Variants in VPS35L observed in about 807,000 individuals in gnomAD.
VPS35L encodes VPS35 endosomal protein sorting factor like, also known as VPS35 endosomal protein-sorting factor-like.
VPS35L carries 83 observed loss-of-function variants against 133.0 expected under a neutral mutation model. The observed-to-expected ratio is 0.62, with a 90% CI of 0.52 to 0.75. The LOEUF is 0.75. VPS35L is among the 30% of genes least tolerant of loss of function. The pLI is 0.00. For missense variants in VPS35L, 1,083 were observed against 1,206.8 expected, an observed-to-expected ratio of 0.90 and a Z score of 1.52; for synonymous variants, 423 against 449.9, an observed-to-expected ratio of 0.94 and a Z score of 0.76.
rs573611211 is a variant in VPS35L, at chr16:19,677,748, C to T, written c.2362-4477C>T. Among the ~76,000 whole-genome samples, 12 of 152,314 alleles carry T rather than the reference C, an allele frequency of 7.9e-5. No homozygotes were observed. The South Asian group carries it at 1.2e-3, about 16-fold the overall frequency. On this transcript the variant is annotated intron_variant, in intron 27 of 30. Coordinates refer to ENST00000417362, the MANE Select transcript of VPS35L (RefSeq NM_020314.7). Reference sequence around the variant, plus strand: ...CGTCAAGTGGTGATCTGTCTCCCTTCGTCCTCCCCTGCCCTCCCACTATCT... The same window carrying T: ...CGTCAAGTGGTGATCTGTCTCCCTTTGTCCTCCCCTGCCCTCCCACTATCT...
intron 28 of VPS35L, among the ~76,000 whole-genome samples, chr16:19,683,074 G>A (rs533038692): frequency 5.1e-4 from 77 of 152,234 alleles, no homozygotes; most frequent in African/African-American, 1.8e-3. Flanking sequence ...ACAGGCATGT[G>A]CCACTGCTCC....
chr16:19,585,815 T>G (rs546711935), intron 7 of VPS35L, among the ~76,000 whole-genome samples: 2 of 152,346 alleles, frequency 1.3e-5, no homozygotes, highest in Admixed American at 1.3e-4. Context: ...TTGTACACGC[T>G]TATTGGCCAT....
intron 14 of VPS35L, among the ~76,000 whole-genome samples, chr16:19,619,177 C>T (rs1972996675): frequency 6.6e-6 from 1 of 152,046 alleles, no homozygotes; most frequent in Non-Finnish European, 1.5e-5. Context: ...AAGTGATCCT[C>T]CCGCCTCGGC....
chr16:19,678,902 C>T (rs1028420834), intron 27 of VPS35L, among the ~76,000 whole-genome samples: 4 of 152,242 alleles, frequency 2.6e-5, no homozygotes, highest in African/African-American at 7.2e-5. Flanking sequence ...CAAAAGCTCA[C>T]GGAAATGGCT....
At chr16:19,654,369 A>T (rs954659362) in intron 26 of VPS35L, among the ~76,000 whole-genome samples, 23 of 145,924 alleles carry the variant, frequency 1.6e-4, no homozygotes, top group African/African-American at 6.4e-4. Context: ...TGTCCTCACT[A>T]GGACAGGCAC....
chr16:19,669,858 A>G (rs147806768), intron 27 of VPS35L, among the ~76,000 whole-genome samples: 2,917 of 152,056 alleles, frequency 0.019, 83 homozygotes, highest in African/African-American at 0.066. Context: ...TTTAGTAGAG[A>G]TGGAGTTTCA....
chr16:19,699,405 G>C lies in VPS35L; in HGVS notation c.2647-97G>C. On this transcript the variant is annotated intron_variant, in intron 29 of 30. Coordinates refer to ENST00000417362, the MANE Select transcript of VPS35L (RefSeq NM_020314.7). The surrounding 1 kb of genome is among the most constrained non-coding windows in gnomAD (Gnocchi z 4.2). Reference sequence around the variant, plus strand: ...ATGGCAGAGCTGGCACTGGAACTCAGGCATGACCTACCCCAGAGTCAGCAC... The same window carrying C: ...ATGGCAGAGCTGGCACTGGAACTCACGCATGACCTACCCCAGAGTCAGCAC... 1 of 1,467,538 alleles carries C rather than the reference G, an allele frequency of 6.8e-7. No homozygotes were observed. Among genetic ancestry groups the C allele is most frequent in the East Asian group, 2.4e-5 (1 of 41,486 alleles). The allele number at this position is 1,467,538 out of a possible 1,614,324, so 90.9% of individuals were successfully genotyped here.
intron 29 of VPS35L, among the ~76,000 whole-genome samples, chr16:19,697,578 A>G (rs985335346): frequency 5.9e-5 from 9 of 152,126 alleles, no homozygotes; most frequent in African/African-American, 2.2e-4. Context: ...ATCAGTTGGC[A>G]TAGCAGCTCG....
At chr16:19,616,308 C>A in intron 13 of VPS35L, 117 bp downstream of exon 13, 1 of 837,200 alleles carries the variant, frequency 1.2e-6, no homozygotes, top group Middle Eastern at 2.3e-4. Flanking sequence ...ATGTGCAAGC[C>A]CTGGAAAATT....
chr16:19,606,072 A>T (rs1972529178), intron 9 of VPS35L, among the ~76,000 whole-genome samples: 1 of 152,204 alleles, frequency 6.6e-6, no homozygotes, highest in Non-Finnish European at 1.5e-5. Context: ...GGAAAGCCTA[A>T]AGATTCTGTA....
chr16:19,646,079 A>G (rs78405341), intron 23 of VPS35L, among the ~76,000 whole-genome samples: 368 of 152,208 alleles, frequency 2.4e-3, no homozygotes, highest in Middle Eastern at 0.024. Flanking sequence ...TGCGCCCAGC[A>G]TGAGTTTTTT....
intron 24 of VPS35L, among the ~76,000 whole-genome samples, chr16:19,648,894 A>G (rs67748379): frequency 0.39 from 56,226 of 144,722 alleles, 11,863 homozygotes; most frequent in African/African-American, 0.51. Flanking sequence ...AAAAAAAAAA[A>G]AAGTTAGGTT....
chr16:19,560,521 C>T (rs537516527), intron 1 of VPS35L, among the ~76,000 whole-genome samples: 1 of 152,226 alleles, frequency 6.6e-6, no homozygotes, highest in East Asian at 1.9e-4. Flanking sequence ...TGAGGCTGGG[C>T]GTGGTGGCTC....
chr16:19,596,734 A>C (rs1972227746), intron 8 of VPS35L, among the ~76,000 whole-genome samples: 1 of 151,994 alleles, frequency 6.6e-6, no homozygotes, highest in Admixed American at 6.6e-5. Flanking sequence ...TGTGAAATGA[A>C]AAGGCTGGGC....
intron 27 of VPS35L, among the ~76,000 whole-genome samples, chr16:19,676,820 C>T (rs1360014035): frequency 1.3e-5 from 2 of 152,214 alleles, no homozygotes; most frequent in East Asian, 3.9e-4. Context: ...TCATGTTAAA[C>T]AAATAAGTAC....
At chr16:19,556,201 C>T (rs1567376232) in intron 1 of VPS35L, among the ~76,000 whole-genome samples, 2 of 152,210 alleles carry the variant, frequency 1.3e-5, no homozygotes, top group Non-Finnish European at 2.9e-5. Context: ...CGCCATTCAT[C>T]CTATCCTAGG....
At chr16:19,585,100 C>T (rs144002222) in intron 7 of VPS35L, among the ~76,000 whole-genome samples, 7 of 152,248 alleles carry the variant, frequency 4.6e-5, no homozygotes, top group East Asian at 1.9e-4. Context: ...ACTGCTGAAT[C>T]GTATTCTAAT....
intron 14 of VPS35L, among the ~76,000 whole-genome samples, chr16:19,620,726 G>A (rs955935847): frequency 6.6e-5 from 10 of 152,146 alleles, no homozygotes; most frequent in African/African-American, 9.7e-5. Flanking sequence ...CAAGGCGGGC[G>A]GATCTCTTGA....
At chr16:19,618,861 C>T (rs1455208993) in intron 14 of VPS35L, among the ~76,000 whole-genome samples, 1 of 151,408 alleles carries the variant, frequency 6.6e-6, no homozygotes. Flanking sequence ...GGAGAAATGA[C>T]AGAACATCAC....
Sources: allele counts gnomAD v4.1 joint callset (sites outside exome capture counted in the v4.1 genomes callset), GRCh38; gene constraint gnomAD v4.1.1; non-coding constraint Gnocchi (gnomAD v3.1); transcripts MANE v1.5; gene names NCBI Gene and HGNC (gene_info 2026-07-23, HGNC 2026-07-21).